Variants in MBNL1 observed in about 807,000 individuals in gnomAD.
The protein encoded by MBNL1 is muscleblind-like protein 1.
A neutral mutation model predicts 42.2 loss-of-function variants in MBNL1; 8 were observed. The observed-to-expected ratio is 0.19, with a 90% CI of 0.11 to 0.34. The LOEUF (loss-of-function observed/expected upper bound fraction) is 0.34, where lower values mean the gene tolerates loss of function less well. Among genes scored for constraint, MBNL1 ranks in the 10% least tolerant of loss-of-function variants. The pLI is 1.00. For missense variants in MBNL1, 309 were observed against 495.3 expected (o/e 0.62, Z 3.57); for synonymous variants, 169 against 173.9 (o/e 0.97, Z 0.22).
chr3:152,445,569 TAGC>T (rs1560627655), intron 5 of MBNL1, 30 bp downstream of exon 5: 6 of 1,574,896 alleles, frequency 3.8e-6, no homozygotes, highest in Non-Finnish European at 5.2e-6. Flanking sequence ...CTCTCCTTGT[TAGC>T]AGTCAGAAAA....
chr3:152,267,344 C>T (rs1163698145), upstream of MBNL1: 1 of 152,454 alleles, frequency 6.6e-6, no homozygotes, highest in African/African-American at 2.4e-5. Flanking sequence ...TCAGAGCCCT[C>T]ATTGGATTGC....
Position 152,365,266 on chromosome 3 carries a change from A to AT in MBNL1, c.175-49665dup, listed in dbSNP as rs11365207. On this transcript the variant is annotated intron_variant, in intron 2 of 9. Coordinates refer to ENST00000324210, the MANE Select transcript of MBNL1 (RefSeq NM_021038.5). Reference sequence around the variant, plus strand: ...GGCATGGGGCCTAAACAATTTTCTGATTTTTTTTTTATAACCCCTCTTATC... The same window carrying AT: ...GGCATGGGGCCTAAACAATTTTCTGATTTTTTTTTTTATAACCCCTCTTATC... 7.8e-4 allele frequency among the ~76,000 whole-genome samples: 117 copies of AT among 150,010 alleles called. No individual in the cohort carries two copies. The South Asian group carries it at 0.019, about 25-fold the overall frequency.
chr3:152,300,119 TG>T lies in MBNL1; in HGVS notation c.-73del. ...CATCATCAGTTCAGCTTTTTTTTTT[TG>T]GTTGTTGCTCTTTTTTGGGGGGGTT... On this transcript the variant is annotated 5_prime_UTR_variant, in exon 2 of 10. Transcript: ENST00000324210. The T allele has an allele frequency of 1.1e-6, 1 of 918,710 alleles. No individual in the cohort carries two copies. The highest frequency in any genetic ancestry group is 1.6e-6 in the Non-Finnish European group (1 of 613,932). The allele number at this position is 918,710 out of a possible 1,614,324, so 56.9% of individuals were successfully genotyped here.
At chr3:152,330,935 A>G (rs774310741) in intron 2 of MBNL1, among the ~76,000 whole-genome samples, 2 of 152,156 alleles carry the variant, frequency 1.3e-5, no homozygotes, top group Non-Finnish European at 2.9e-5. Context: ...TCTACTATAT[A>G]CAGTCAGGTA....
intron 2 of MBNL1, among the ~76,000 whole-genome samples, chr3:152,305,174 C>T (rs1418046846): frequency 1.3e-5 from 2 of 152,248 alleles, no homozygotes; most frequent in Non-Finnish European, 2.9e-5. Context: ...GAAACAATTG[C>T]ATATATAAGG....
At position 152,256,487 on chromosome 3, in the gene MBNL1, G is replaced by C. The variant is rs183843564; in HGVS notation, n.333+12047G>C. ...CAAATCCCAGTAGCTATTGGGATTA[G>C]GGATAGCAATCCCTGGCAACATCAA... On this transcript the variant is annotated intron_variant and non_coding_transcript_variant, in intron 2 of 2. Transcript: ENST00000477171. Among the ~76,000 whole-genome samples the C allele has an allele frequency of 8.3e-3, 1,265 of 152,194 alleles. 24 individuals carry two copies. Among genetic ancestry groups the C allele is most frequent in the Non-Finnish European group, 7.1e-3 (484 of 68,012 alleles).
chr3:152,344,139 C>G (rs2093826447), intron 2 of MBNL1, among the ~76,000 whole-genome samples: 1 of 151,722 alleles, frequency 6.6e-6, no homozygotes, highest in Non-Finnish European at 1.5e-5. Context: ...ATATATGTTT[C>G]CCAGAAATAT....
chr3:152,269,097 G>A lies in MBNL1; in HGVS notation c.-790+5G>A, dbSNP rs769079289. On this transcript the variant is annotated splice_donor_5th_base_variant and intron_variant, in intron 1 of 9. Transcript: ENST00000324210. ...TCTGAAAAAAAAATGTGAGAGGTAA[G>A]TTTCCATTTTCACAGTTTCCCCGCG... is the stretch of plus-strand genomic sequence containing the variant. 2 of 454,064 alleles carry A rather than the reference G, an allele frequency of 4.4e-6. No individual in the cohort carries two copies. Among genetic ancestry groups the A allele is most frequent in the South Asian group, 1.6e-5 (1 of 64,492 alleles). 28.1% of individuals were successfully genotyped at this position (454,064 alleles called of 1,614,324 possible).
chr3:152,355,043 C>G (rs1420181042), intron 2 of MBNL1, among the ~76,000 whole-genome samples: 1 of 152,158 alleles, frequency 6.6e-6, no homozygotes, highest in African/African-American at 2.4e-5. Flanking sequence ...TGTTATTCAT[C>G]ATTATTCCTC....
intron 2 of MBNL1, among the ~76,000 whole-genome samples, chr3:152,372,547 G>T (rs1000809552): frequency 1.3e-5 from 2 of 152,126 alleles, no homozygotes; most frequent in East Asian, 1.9e-4. Flanking sequence ...CTCCTAACAG[G>T]CAGGCTTCTC....
intron 2 of MBNL1, among the ~76,000 whole-genome samples, chr3:152,349,007 T>C (rs998867199): frequency 6.6e-5 from 10 of 152,008 alleles, no homozygotes; most frequent in African/African-American, 1.9e-4. Flanking sequence ...TCTTACTACC[T>C]CCTGGGAACA....
intron 2 of MBNL1, among the ~76,000 whole-genome samples, chr3:152,331,539 G>T (rs550019748): frequency 6.6e-6 from 1 of 151,698 alleles, no homozygotes; most frequent in East Asian, 1.9e-4. Context: ...CACTTATTTT[G>T]ACCTAAGTAT....
chr3:152,285,783 T>C (rs2051313016), intron 1 of MBNL1, among the ~76,000 whole-genome samples: 1 of 151,814 alleles, frequency 6.6e-6, no homozygotes, highest in Non-Finnish European at 1.5e-5. Context: ...CCACCATGCC[T>C]GGCTAATTTT....
intron 4 of MBNL1, among the ~76,000 whole-genome samples, chr3:152,443,068 A>G (rs1197501782): frequency 6.6e-6 from 1 of 152,070 alleles, no homozygotes. Flanking sequence ...ACACATTCTG[A>G]GCTAATTCTT....
intron 8 of MBNL1, chr3:152,457,857 G>A: frequency 2.7e-6 from 1 of 373,160 alleles, no homozygotes. Context: ...GGTTGTAGGG[G>A]ACACTTTACT....
chr3:152,402,653 A>G (rs1217441192), intron 2 of MBNL1, among the ~76,000 whole-genome samples: 1 of 152,208 alleles, frequency 6.6e-6, no homozygotes, highest in Non-Finnish European at 1.5e-5. Context: ...GGATAACAGT[A>G]GTAAGCAGTT....
intron 2 of MBNL1, among the ~76,000 whole-genome samples, chr3:152,363,194 A>G (rs1282199549): frequency 2.0e-5 from 3 of 152,108 alleles, no homozygotes. Context: ...TTATTTTTAT[A>G]TGCATGTTTA....
intron 2 of MBNL1, among the ~76,000 whole-genome samples, chr3:152,393,138 C>T (rs568573414): frequency 6.6e-6 from 1 of 152,186 alleles, no homozygotes; most frequent in Admixed American, 6.5e-5. Context: ...TGGCCTGTCT[C>T]CTTGACTTCT....
intron 2 of MBNL1, among the ~76,000 whole-genome samples, chr3:152,347,952 GTAAT>G (rs1419273194): frequency 6.6e-6 from 1 of 152,098 alleles, no homozygotes; most frequent in African/African-American, 2.4e-5. Context: ...AATTGAAAAT[GTAAT>G]TATTGTTTTT....
Sources: gnomAD v4.1 joint callset for allele counts (sites outside exome capture counted in the v4.1 genomes callset) on GRCh38, gnomAD v4.1.1 for gene constraint, MANE v1.5 for transcripts, NCBI Gene and HGNC (gene_info 2026-07-23, HGNC 2026-07-21) for gene names.